Variants in AKAP13 observed in about 807,000 individuals in gnomAD.
AKAP13 encodes the protein A-kinase anchor protein 13.
Under a neutral mutation model 264.5 loss-of-function variants are expected in AKAP13, and 80 were observed. The observed-to-expected ratio is 0.30, with a 90% confidence interval of 0.25 to 0.36. The LOEUF is 0.36. Ranked by LOEUF, AKAP13 falls within the 10% of genes least tolerant of loss-of-function variation. The pLI is 1.00. For synonymous variants in AKAP13, 1,380 were observed against 1,250.2 expected (o/e 1.10, Z -2.19); for missense variants, 3,712 against 3,435.2 (o/e 1.08, Z -2.01).
Position 85,589,593 on chromosome 15 carries a change from T to TA in AKAP13, c.4161+3787dup, listed in dbSNP as rs71468122. 4.9e-3 allele frequency among the ~76,000 whole-genome samples: 595 copies of TA among 122,452 alleles called. 4 individuals carry two copies. Among genetic ancestry groups the TA allele is most frequent in the African/African-American group, 0.013 (402 of 30,562 alleles). The allele number at this position is 122,452 out of a possible 152,430, so 80.3% of individuals were successfully genotyped here. ...TAACATGGGGAAACCTTGTCTCCAC[T>TA]AAAAAAAAAAAAAAAAATACAAGAG... On this transcript the variant is annotated intron_variant, in intron 8 of 36. Transcript: ENST00000394518.
intron 13 of AKAP13, among the ~76,000 whole-genome samples, chr15:85,665,343 C>T (rs562759006): frequency 6.6e-6 from 1 of 152,298 alleles, no homozygotes; most frequent in Admixed American, 6.5e-5. Context: ...ATCTTTTACC[C>T]TCTCAATAGT....
Position 85,722,023 on chromosome 15 carries a change from G to A in AKAP13, c.6285G>A (p.Lys2095=), listed in dbSNP as rs2087324056. 6.2e-7 allele frequency: 1 copy of A among 1,614,096 alleles called. No individual in the cohort carries two copies. Among genetic ancestry groups the A allele is most frequent in the Non-Finnish European group, 8.5e-7 (1 of 1,179,950 alleles). ...GTGAGAATGCAGAACGTTTAAAGAA[G>A]ACATATGGCAAGTTTTGTGGGCAAC... The part of the protein sequence containing the change: ...FSGENAERLK[K]TYGKFCGQHN... The change falls in exon 24 of 37, where the codon AAG becomes AAA. Residue 2095 remains lysine, a synonymous_variant. Transcript: ENST00000394518.
intron 2 of AKAP13, among the ~76,000 whole-genome samples, chr15:85,495,105 G>C (rs573523430): frequency 6.6e-6 from 1 of 152,308 alleles, no homozygotes; most frequent in East Asian, 1.9e-4. Context: ...TCTCAATAAA[G>C]TATATGCTCA....
At chr15:85,630,166 TACACACACAC>T (rs59852934) in intron 8 of AKAP13, among the ~76,000 whole-genome samples, 133 of 100,186 alleles carry the variant, frequency 1.3e-3, no homozygotes, top group African/African-American at 4.3e-3. Context: ...TTTTAACACA[TACACACACAC>T]ACACACACAC....
At chr15:85,485,471 C>T (rs2075508047) in intron 1 of AKAP13, among the ~76,000 whole-genome samples, 1 of 152,208 alleles carries the variant, frequency 6.6e-6, no homozygotes, top group South Asian at 2.1e-4. Context: ...AGCCTTTTGT[C>T]TTTATTTTTC....
chr15:85,525,214 C>T (rs2076989993), intron 3 of AKAP13, among the ~76,000 whole-genome samples: 2 of 151,928 alleles, frequency 1.3e-5, no homozygotes, highest in South Asian at 4.2e-4. Flanking sequence ...CCCACCACCA[C>T]ACCTGGCTAA....
intron 2 of AKAP13, among the ~76,000 whole-genome samples, chr15:85,486,914 A>G (rs930786610): frequency 6.6e-6 from 1 of 151,362 alleles, no homozygotes; most frequent in Non-Finnish European, 1.5e-5. Context: ...AATTTTTTGT[A>G]TTTTTAGTAG....
intron 2 of AKAP13, among the ~76,000 whole-genome samples, chr15:85,487,518 GT>G (rs1195787356): frequency 6.6e-6 from 1 of 152,046 alleles, no homozygotes; most frequent in Non-Finnish European, 1.5e-5. Flanking sequence ...GGCCATGTAG[GT>G]TTTTTTCCTT....
chr15:85,657,302 A>G (rs570840585), intron 11 of AKAP13, among the ~76,000 whole-genome samples: 2 of 152,312 alleles, frequency 1.3e-5, no homozygotes, highest in South Asian at 4.1e-4. Context: ...AACACTCACT[A>G]TGTGCCAGAC....
chr15:85,701,479 A>G (rs1388839642), intron 17 of AKAP13, among the ~76,000 whole-genome samples: 1 of 151,992 alleles, frequency 6.6e-6, no homozygotes, highest in Non-Finnish European at 1.5e-5. Context: ...TCACTCTGTC[A>G]CCTAGGCTGG....
chr15:85,562,871 GTT>G (rs71141408), intron 5 of AKAP13, among the ~76,000 whole-genome samples: 61,316 of 133,828 alleles, frequency 0.46, 13,771 homozygotes, highest in East Asian at 0.6. Context: ...GGTTTTTTTT[GTT>G]TTTTTTTTTT....
intron 5 of AKAP13, chr15:85,555,415 AT>A (rs1195469550): frequency 7.8e-7 from 1 of 1,288,520 alleles, no homozygotes. Context: ...GCTTTCCTCT[AT>A]TTTTAAAGCT....
chr15:85,682,950 A>AGCCACCGCCCCTGACCACG, intron 15 of AKAP13, among the ~76,000 whole-genome samples: 1 of 152,314 alleles, frequency 6.6e-6, no homozygotes, highest in Admixed American at 6.5e-5. Context: ...TACAGGCGTG[A>AGCCACCGCCCCTGACCACG]AATTGATTCT....
At position 85,579,153 on chromosome 15, in the gene AKAP13, A is replaced by G; in HGVS notation, c.1085A>G (p.Glu362Gly). Reference sequence around the variant, plus strand: ...TGTGATTTGTCAAGCATAGTTGAGGAGGAGAATACAGACCGTTCCTGTAGG... The same window carrying G: ...TGTGATTTGTCAAGCATAGTTGAGGGGGAGAATACAGACCGTTCCTGTAGG... ...SPCDLSSIVE[E>G]ENTDRSCRKK... The change falls in exon 7 of 37, where the codon GAG becomes GGG. Residue 362 changes from glutamate to glycine, a missense_variant. Glu to Gly is a moderately conservative substitution (Grantham distance 98, BLOSUM62 -2). Around this residue, in one of 3 missense-constraint regions of AKAP13, gnomAD observed 2,759 missense variants for 2,411.7 expected, o/e 1.14. Transcript: ENST00000394518. 1 of 1,614,170 alleles carries G rather than the reference A, an allele frequency of 6.2e-7. No individual in the cohort carries two copies. Among genetic ancestry groups the G allele is most frequent in the Non-Finnish European group, 8.5e-7 (1 of 1,180,032 alleles).
intron 17 of AKAP13, among the ~76,000 whole-genome samples, chr15:85,704,469 A>T (rs1460984429): frequency 6.6e-6 from 1 of 152,208 alleles, no homozygotes. Context: ...TAAAAAAAAG[A>T]TACAGCAATA....
chr15:85,513,503 C>G (rs372348115), intron 2 of AKAP13, among the ~76,000 whole-genome samples: 1 of 152,144 alleles, frequency 6.6e-6, no homozygotes, highest in Non-Finnish European at 1.5e-5. Context: ...ATTCTTTACT[C>G]AGGGCAACAC....
chr15:85,646,874 T>G (rs1202308144), intron 10 of AKAP13, among the ~76,000 whole-genome samples: 1 of 152,198 alleles, frequency 6.6e-6, no homozygotes, highest in Non-Finnish European at 1.5e-5. Flanking sequence ...AAGTTCTGTT[T>G]TGCTCACCTG....
intron 5 of AKAP13, among the ~76,000 whole-genome samples, chr15:85,569,486 C>T (rs1438248177): frequency 7.4e-6 from 1 of 135,460 alleles, no homozygotes; most frequent in Non-Finnish European, 1.6e-5. Flanking sequence ...GAGTTTCACT[C>T]TTGTTGCCTA....
intron 17 of AKAP13, among the ~76,000 whole-genome samples, chr15:85,699,936 T>C (rs2085813094): frequency 6.6e-6 from 1 of 152,210 alleles, no homozygotes; most frequent in Non-Finnish European, 1.5e-5. Flanking sequence ...CAAAGAATCT[T>C]GTGCTATAGA....
Sources: gnomAD v4.1 joint callset for allele counts (sites outside exome capture counted in the v4.1 genomes callset) on GRCh38, gnomAD v4.1.1 for gene constraint, gnomAD v4.1.1 regional missense constraint, MANE v1.5 for transcripts, NCBI Gene and HGNC (gene_info 2026-07-23, HGNC 2026-07-21) for gene names.